Variants in CFLAR observed in about 807,000 individuals in gnomAD.
The protein encoded by CFLAR is CASP8 and FADD-like apoptosis regulator.
A neutral mutation model predicts 51.1 loss-of-function variants in CFLAR; 14 were observed. The ratio of observed to expected loss-of-function variants is 0.27; its 90% CI spans 0.18 to 0.43. The LOEUF is 0.43. Ranked by LOEUF, CFLAR falls within the 20% of genes least tolerant of loss-of-function variation. The probability of loss-of-function intolerance (pLI) is 1.00; values close to 1 mark genes in which losing one functional copy is unlikely to be tolerated. For missense variants in CFLAR, 390 were observed against 566.5 expected, an observed-to-expected ratio of 0.69 and a Z score of 3.16; for synonymous variants, 210 against 211.6, an observed-to-expected ratio of 0.99 and a Z score of 0.06.
At chr2:201,136,214 C>T (rs774694462) in intron 4 of CFLAR, 107 bp downstream of exon 4, 1 of 1,609,914 alleles carries the variant, frequency 6.2e-7, no homozygotes, top group Non-Finnish European at 8.5e-7. Context: ...GGAATGGAAC[C>T]TGGATGACCA....
chr2:201,120,178 A>G (rs1201644093), intron 1 of CFLAR, among the ~76,000 whole-genome samples: 26 of 144,982 alleles, frequency 1.8e-4, no homozygotes, highest in African/African-American at 6.2e-4. Flanking sequence ...GTGCCACCAC[A>G]CCCAGCTACA....
intron 1 of CFLAR, among the ~76,000 whole-genome samples, chr2:201,129,051 A>G (rs1175048066): frequency 6.6e-6 from 1 of 152,174 alleles, no homozygotes; most frequent in Non-Finnish European, 1.5e-5. Flanking sequence ...TGGCACCTCC[A>G]TGGGGCTCAG....
chr2:201,131,172 G>T (rs2049271929), intron 2 of CFLAR, among the ~76,000 whole-genome samples: 1 of 152,146 alleles, frequency 6.6e-6, no homozygotes, highest in South Asian at 2.1e-4. Context: ...GGTTCAGAGG[G>T]GCATGGAAGC....
intron 4 of CFLAR, chr2:201,137,985 A>C: frequency 1.3e-6 from 1 of 746,538 alleles, no homozygotes; most frequent in Non-Finnish European, 2.5e-6. Flanking sequence ...TATGATGGGC[A>C]CACCAAAGTT....
chr2:201,138,306 G>A lies in CFLAR; in HGVS notation c.524-2051G>A, dbSNP rs936400942. The A allele has an allele frequency of 6.4e-6, 5 of 776,744 alleles. No homozygotes were observed. The highest frequency in any genetic ancestry group is 4.7e-6 in the Non-Finnish European group (2 of 421,648). 48.1% of individuals were successfully genotyped at this position (776,744 alleles called of 1,614,324 possible). A position where few individuals can be genotyped will look rare whatever the true frequency, so the allele number is the denominator to read the frequency against. On this transcript the variant is annotated intron_variant, in intron 4 of 9. Coordinates refer to ENST00000309955, the MANE Select transcript of CFLAR (RefSeq NM_003879.7). The surrounding 1 kb of genome is among the most constrained non-coding windows in gnomAD (Gnocchi z 4.0). ...TCCAGGTGGTATTTGTCATCCTCATGGGTACCCACAGCTGCCCCGCCCAGC... is the reference window on the plus strand; with the variant it reads ...TCCAGGTGGTATTTGTCATCCTCATAGGTACCCACAGCTGCCCCGCCCAGC...
rs1943714402 is a variant in CFLAR, at chr2:201,167,541, A to G, written c.*3568A>G. On this transcript the variant is annotated 3_prime_UTR_variant, in exon 10 of 10. Transcript: ENST00000309955. ...AATAAATAAAACCACCAGCACCACAAACAACAACAAAAAGTTATTTTGTAC... is the reference window on the plus strand; with the variant it reads ...AATAAATAAAACCACCAGCACCACAGACAACAACAAAAAGTTATTTTGTAC... 6.6e-6 allele frequency: 1 copy of G among 152,214 alleles called. No individual in the cohort carries two copies. 9.4% of individuals were successfully genotyped at this position (152,214 alleles called of 1,614,324 possible). A position where few individuals can be genotyped will look rare whatever the true frequency, so the allele number is the denominator to read the frequency against.
intron 9 of CFLAR, chr2:201,162,797 T>C: frequency 2.1e-6 from 1 of 484,326 alleles, no homozygotes; most frequent in Non-Finnish European, 3.8e-6. Context: ...TGTTTAACAG[T>C]AGATCACAAA....
intron 8 of CFLAR, 45 bp from the exon 9 acceptor site, chr2:201,160,387 C>T: frequency 6.3e-7 from 1 of 1,582,446 alleles, no homozygotes; most frequent in Non-Finnish European, 8.6e-7. Flanking sequence ...TTGAGCTCTC[C>T]TCACTCCAGT....
rs2125741457 is a variant in CFLAR, at chr2:201,138,885, A to G, written c.524-1472A>G. The G allele has an allele frequency of 1.4e-6, 1 of 692,728 alleles. No individual in the cohort carries two copies. Among genetic ancestry groups the G allele is most frequent in the Middle Eastern group, 4.1e-4 (1 of 2,412 alleles). The allele number at this position is 692,728 out of a possible 1,614,324, so 42.9% of individuals were successfully genotyped here. On this transcript the variant is annotated intron_variant, in intron 4 of 9. Transcript: ENST00000309955. This position sits in a 1 kb window ranked among gnomAD's most constrained non-coding sequence, Gnocchi z 4.0. ...GATCAGCGGCGTCTTCAGAGTGACC[A>G]TTGGGTCAGGGCTGAGGTCAGGTCC...
chr2:201,145,258 A>T (rs1052621151), intron 5 of CFLAR, 120 bp from the exon 6 acceptor site: 12 of 606,006 alleles, frequency 2.0e-5, no homozygotes, highest in Admixed American at 1.2e-4. Context: ...AACTGTTGGG[A>T]CGATATTTTT....
intron 3 of CFLAR, among the ~76,000 whole-genome samples, chr2:201,134,245 T>G (rs1575669863): frequency 1.3e-5 from 2 of 151,448 alleles, no homozygotes; most frequent in Admixed American, 1.3e-4. Context: ...GAGGCGGAGG[T>G]TGCAGTGAGT....
intron 1 of CFLAR, among the ~76,000 whole-genome samples, chr2:201,117,625 A>G (rs572655690): frequency 4.6e-5 from 7 of 152,140 alleles, no homozygotes; most frequent in Non-Finnish European, 1.0e-4. Context: ...GGAAGGTTTG[A>G]CCTGCTTTAG....
At position 201,172,127 on chromosome 2, in the gene CFLAR, G is replaced by A. The variant is rs570787406; in HGVS notation, c.*8154G>A. 93 of 152,206 alleles carry A rather than the reference G, an allele frequency of 6.1e-4. No individual in the cohort carries two copies. Among genetic ancestry groups the A allele is most frequent in the African/African-American group, 2.1e-3 (89 of 41,520 alleles). The allele number at this position is 152,206 out of a possible 1,614,324, so 9.4% of individuals were successfully genotyped here. A position where few individuals can be genotyped will look rare whatever the true frequency, so the allele number is the denominator to read the frequency against. On this transcript the variant is annotated 3_prime_UTR_variant, in exon 10 of 10. Coordinates refer to ENST00000309955, the MANE Select transcript of CFLAR (RefSeq NM_003879.7). ...GAAAGTATGCTGTAGCTCAAGTGCA[G>A]AATTCTCATCAGTTTTATCTTTATA...
Position 201,116,562 on chromosome 2 carries a change from C to G in CFLAR, c.-138+81C>G, listed in dbSNP as rs1195920880. On this transcript the variant is annotated intron_variant, in intron 1 of 9. Coordinates refer to ENST00000309955, the MANE Select transcript of CFLAR (RefSeq NM_003879.7). This position sits in a 1 kb window ranked among gnomAD's most constrained non-coding sequence, Gnocchi z 4.8. ...CAAGCCCCGACGCCCGGCCCTGAGT[C>G]AGCATTGCAGCAGGCCCTGCGCCGC... 1 of 153,096 alleles carries G rather than the reference C, an allele frequency of 6.5e-6. No homozygotes were observed. The highest frequency in any genetic ancestry group is 1.5e-5 in the Non-Finnish European group (1 of 68,800). The allele number at this position is 153,096 out of a possible 1,614,324, so 9.5% of individuals were successfully genotyped here.
intron 3 of CFLAR, 54 bp from the exon 4 acceptor site, chr2:201,135,918 C>T: frequency 6.4e-7 from 1 of 1,571,382 alleles, no homozygotes; most frequent in African/African-American, 1.4e-5. Context: ...TGAACTTCTG[C>T]ACCTGGCCTA....
chr2:201,158,040 C>A (rs1942463878), intron 8 of CFLAR, among the ~76,000 whole-genome samples: 1 of 152,230 alleles, frequency 6.6e-6, no homozygotes, highest in Admixed American at 6.5e-5. Flanking sequence ...CCAGCTTTAG[C>A]CATTTTTCTT....
rs1438734499 is a variant in CFLAR, at chr2:201,169,614, TTAAAC to T, written c.*5646_*5650del. 1.6e-4 allele frequency: 25 copies of T among 152,230 alleles called. No individual in the cohort carries two copies. The highest frequency in any genetic ancestry group is 5.2e-4 in the Admixed American group (8 of 15,284). 9.4% of individuals were successfully genotyped at this position (152,230 alleles called of 1,614,324 possible). Reference sequence around the variant, plus strand: ...AGCAAAAATTACAAATGGGATCTAATTAAACTAAAGAGCTCCTGCACAGCAAAAGA... The same window carrying T: ...AGCAAAAATTACAAATGGGATCTAATTAAAGAGCTCCTGCACAGCAAAAGA... On this transcript the variant is annotated 3_prime_UTR_variant, in exon 10 of 10. Coordinates refer to ENST00000309955, the MANE Select transcript of CFLAR (RefSeq NM_003879.7).
Position 201,170,455 on chromosome 2 carries a change from T to C in CFLAR, c.*6482T>C, listed in dbSNP as rs557662299. The C allele has an allele frequency of 6.6e-6, 1 of 152,330 alleles. No individual in the cohort carries two copies. The highest frequency in any genetic ancestry group is 2.1e-4 in the South Asian group (1 of 4,830). The allele number at this position is 152,330 out of a possible 1,614,324, so 9.4% of individuals were successfully genotyped here. A position where few individuals can be genotyped will look rare whatever the true frequency, so the allele number is the denominator to read the frequency against. On this transcript the variant is annotated 3_prime_UTR_variant, in exon 10 of 10. Transcript: ENST00000309955. The stretch of plus-strand genomic sequence containing the variant: ...AATGTCATAAATGGATGTTTCTCCA[T>C]GGATGAAGGAACTGTTTTATTCACT...
chr2:201,143,947 C>T (rs1381741808), intron 5 of CFLAR, among the ~76,000 whole-genome samples: 3 of 150,284 alleles, frequency 2.0e-5, no homozygotes, highest in African/African-American at 4.9e-5. Flanking sequence ...GAGACTCTGT[C>T]TCAAAAAAAA....
Sources: gnomAD v4.1 joint callset for allele counts (sites outside exome capture counted in the v4.1 genomes callset) on GRCh38, gnomAD v4.1.1 for gene constraint, Gnocchi (gnomAD v3.1) non-coding constraint, MANE v1.5 for transcripts, NCBI Gene and HGNC (gene_info 2026-07-23, HGNC 2026-07-21) for gene names.